Variants in MYH10 observed in about 807,000 individuals in gnomAD.
MYH10 encodes myosin heavy chain 10.
Under a neutral mutation model 257.8 loss-of-function variants are expected in MYH10, and 55 were observed. The observed-to-expected ratio is 0.21, with a 90% CI of 0.17 to 0.27. The LOEUF (loss-of-function observed/expected upper bound fraction) is 0.27. Among genes scored for constraint, MYH10 ranks in the 10% least tolerant of loss-of-function variants. The pLI is 1.00. For missense variants in MYH10, 1,631 were observed against 2,500.6 expected (o/e 0.65, Z 7.42); for synonymous variants, 854 against 921.7 (o/e 0.93, Z 1.33).
In MYH10 at chr17:8,480,521, C is replaced by T. The variant is rs527403611; in HGVS notation, c.5269G>A (p.Ala1757Thr). Residue 1757 changes from alanine to threonine, a missense_variant, in exon 39 of 43, where the codon GCG becomes ACG. Coordinates refer to ENST00000360416, the MANE Select transcript of MYH10 (RefSeq NM_001256012.3). The part of the protein sequence containing the change: ...EITNSASGKS[A>T]LLDEKRRLEA... ...AGACGCCGCTTCTCATCCAGCAGCG[C>T]GGACCTGGCGGGGAGAGGAGGAGGG... is the stretch of plus-strand genomic sequence containing the variant. 2.1e-5 allele frequency: 34 copies of T among 1,607,208 alleles called. No individual in the cohort carries two copies. The highest frequency in any genetic ancestry group is 1.8e-4 in the East Asian group (8 of 44,862).
intron 1 of MYH10, among the ~76,000 whole-genome samples, chr17:8,623,836 T>G (rs182905264): frequency 6.6e-6 from 1 of 152,290 alleles, no homozygotes. Flanking sequence ...TATGGCCCCA[T>G]GAGGTCTTAA....
At chr17:8,551,036 C>T (rs1252812238) in intron 9 of MYH10, among the ~76,000 whole-genome samples, 4 of 151,012 alleles carry the variant, frequency 2.6e-5, no homozygotes, top group South Asian at 2.1e-4. Flanking sequence ...CTAGGAAAAC[C>T]GGAGACCTTT....
intron 13 of MYH10, among the ~76,000 whole-genome samples, chr17:8,543,107 C>CA (rs1229781037): frequency 6.6e-6 from 1 of 152,154 alleles, no homozygotes; most frequent in African/African-American, 2.4e-5. Flanking sequence ...TAGAAGTGCT[C>CA]AACCTCTTTC....
Position 8,592,646 on chromosome 17 carries a change from T to C in MYH10, c.503-3538A>G, listed in dbSNP as rs888536798. On this transcript the variant is annotated intron_variant, in intron 3 of 42. Transcript: ENST00000360416. ...CTTCTATCTATTAAAGAAAATGAAATTGTAATTAAAAATCTTCTCACAAAG... is the reference window on the plus strand; with the variant it reads ...CTTCTATCTATTAAAGAAAATGAAACTGTAATTAAAAATCTTCTCACAAAG... Among the ~76,000 whole-genome samples, 4 of 150,876 alleles carry C rather than the reference T, an allele frequency of 2.7e-5. No homozygotes were observed. In the South Asian group the frequency reaches 6.3e-4, roughly 24 times the overall value.
chr17:8,481,378 G>A lies in MYH10; in HGVS notation c.5208C>T (p.His1736=), dbSNP rs200645746. The change falls in exon 38 of 43, where the codon CAC becomes CAT. Residue 1736 remains histidine (H), a synonymous_variant. Coordinates refer to ENST00000360416, the MANE Select transcript of MYH10 (RefSeq NM_001256012.3). ...ELASSERARR[H]AEQERDELAD... Reference sequence around the variant, plus strand: ...CCAGCTCATCTCTCTCCTGCTCGGCGTGTCGGCGGGCTCGCTCAGATGAGG... The same window carrying A: ...CCAGCTCATCTCTCTCCTGCTCGGCATGTCGGCGGGCTCGCTCAGATGAGG... 22 of 1,613,988 alleles carry A rather than the reference G, an allele frequency of 1.4e-5. No homozygotes were observed. Among genetic ancestry groups the A allele is most frequent in the Middle Eastern group, 3.3e-4 (2 of 6,084 alleles).
intron 24 of MYH10, among the ~76,000 whole-genome samples, chr17:8,511,507 G>A (rs1161387302): frequency 6.6e-6 from 1 of 152,128 alleles, no homozygotes; most frequent in Non-Finnish European, 1.5e-5. Flanking sequence ...GCAACAAAGC[G>A]AGACTCCGTC....
Position 8,535,660 on chromosome 17 carries a change from T to C in MYH10, c.1779+98A>G. Reference sequence around the variant, plus strand: ...TTGTAATATATACTGTATTTGTTTATAAATGTTTATCAGCACCTTTGTTAC... The same window carrying C: ...TTGTAATATATACTGTATTTGTTTACAAATGTTTATCAGCACCTTTGTTAC... On this transcript the variant is annotated intron_variant, in intron 15 of 42. Coordinates refer to ENST00000360416, the MANE Select transcript of MYH10 (RefSeq NM_001256012.3). This position sits in a 1 kb window ranked among gnomAD's most constrained non-coding sequence, Gnocchi z 4.3. The C allele has an allele frequency of 7.5e-7, 1 of 1,329,774 alleles. No individual in the cohort carries two copies. Among genetic ancestry groups the C allele is most frequent in the Non-Finnish European group, 1.0e-6 (1 of 956,026 alleles). 82.4% of individuals were successfully genotyped at this position (1,329,774 alleles called of 1,614,324 possible). A position where few individuals can be genotyped will look rare whatever the true frequency, so the allele number is the denominator to read the frequency against.
intron 21 of MYH10, among the ~76,000 whole-genome samples, chr17:8,517,618 T>C (rs1219710378): frequency 6.6e-6 from 1 of 152,238 alleles, no homozygotes; most frequent in African/African-American, 2.4e-5. Context: ...CACCACCTTC[T>C]TGGGTCCAGG....
intron 4 of MYH10, among the ~76,000 whole-genome samples, chr17:8,587,716 A>T (rs2152042680): frequency 6.6e-6 from 1 of 152,206 alleles, no homozygotes; most frequent in African/African-American, 2.4e-5. Flanking sequence ...TCTTCCTCTC[A>T]TCAGCACTGA....
intron 6 of MYH10, among the ~76,000 whole-genome samples, chr17:8,571,155 G>A (rs985621393): frequency 2.7e-5 from 4 of 145,594 alleles, no homozygotes; most frequent in East Asian, 4.1e-4. Flanking sequence ...ACCCTTACCA[G>A]ACTATTTTTC....
At chr17:8,595,185 C>G (rs146008739) in intron 3 of MYH10, among the ~76,000 whole-genome samples, 2 of 152,130 alleles carry the variant, frequency 1.3e-5, no homozygotes, top group African/African-American at 4.8e-5. Context: ...AGGACATTCT[C>G]GAAACGGCAG....
chr17:8,521,173 T>C lies in MYH10; in HGVS notation c.2070A>G (p.Glu690=), dbSNP rs887678146. The change falls in exon 18 of 43, where the codon GAA becomes GAG. Residue 690 remains glutamate, a synonymous_variant. Transcript: ENST00000360416. ...GAGTTGCCATCAGCTTGGTGAGAGATTCTTTGTAGAGTTGCCCAACGGTAC... is the reference window on the plus strand; with the variant it reads ...GAGTTGCCATCAGCTTGGTGAGAGACTCTTTGTAGAGTTGCCCAACGGTAC... ...MFRTVGQLYK[E]SLTKLMATLR... 6 of 1,614,076 alleles carry C rather than the reference T, an allele frequency of 3.7e-6. No individual in the cohort carries two copies. In the African/African-American group the frequency reaches 6.7e-5, roughly 18 times the overall value.
chr17:8,622,348 C>T (rs1334057146), intron 2 of MYH10, among the ~76,000 whole-genome samples: 1 of 152,160 alleles, frequency 6.6e-6, no homozygotes, highest in Non-Finnish European at 1.5e-5. Context: ...GTCGGTGACT[C>T]CAACATTCAT....
chr17:8,582,719 A>G (rs963616711), intron 4 of MYH10, among the ~76,000 whole-genome samples: 22 of 152,288 alleles, frequency 1.4e-4, no homozygotes, highest in African/African-American at 5.3e-4. Flanking sequence ...ATAAAAAACA[A>G]CAGCCTAAAG....
At chr17:8,536,574 G>T (rs760611031) in intron 14 of MYH10, among the ~76,000 whole-genome samples, 1 of 152,158 alleles carries the variant, frequency 6.6e-6, no homozygotes, top group Non-Finnish European at 1.5e-5. Context: ...GCCGAGGCAG[G>T]TGGATCACGA....
Position 8,545,385 on chromosome 17 carries a change from T to C in MYH10, c.1431+63A>G. The C allele has an allele frequency of 6.3e-7, 1 of 1,580,848 alleles. No homozygotes were observed. The highest frequency in any genetic ancestry group is 1.7e-5 in the Admixed American group (1 of 57,506). On this transcript the variant is annotated intron_variant, in intron 13 of 42. Transcript: ENST00000360416. This position sits in a 1 kb window ranked among gnomAD's most constrained non-coding sequence, Gnocchi z 4.7. ...GTATGTACTGGGCACACAGTAAGCC[T>C]TCATATTTGTTAAAAGAACAAACAA...
chr17:8,615,722 T>C (rs1444189014), intron 2 of MYH10, among the ~76,000 whole-genome samples: 1 of 152,216 alleles, frequency 6.6e-6, no homozygotes, highest in Non-Finnish European at 1.5e-5. Context: ...AAACATTTGA[T>C]AAATTAACAT....
Position 8,521,383 on chromosome 17 carries a change from G to A in MYH10, c.1958-98C>T. 16 of 1,310,236 alleles carry A rather than the reference G, an allele frequency of 1.2e-5. No individual in the cohort carries two copies. In the South Asian group the frequency reaches 1.8e-4, roughly 15 times the overall value. 81.2% of individuals were successfully genotyped at this position (1,310,236 alleles called of 1,614,324 possible). On this transcript the variant is annotated intron_variant, in intron 17 of 42. Coordinates refer to ENST00000360416, the MANE Select transcript of MYH10 (RefSeq NM_001256012.3). ...AAAGTGCAGCAGCACAAGCTTTGTG[G>A]AACAAATGACAGGAGATGCCATATA...
chr17:8,567,677 C>T (rs1401423125), intron 7 of MYH10, among the ~76,000 whole-genome samples: 2 of 152,134 alleles, frequency 1.3e-5, no homozygotes, highest in African/African-American at 2.4e-5. Flanking sequence ...CACGTGAAGA[C>T]ATAGGGAGAA....
Sources: gnomAD v4.1 joint callset for allele counts (sites outside exome capture counted in the v4.1 genomes callset) on GRCh38, gnomAD v4.1.1 for gene constraint, Gnocchi (gnomAD v3.1) non-coding constraint, MANE v1.5 for transcripts, NCBI Gene and HGNC (gene_info 2026-07-23, HGNC 2026-07-21) for gene names.